GABRB3: variants seen among roughly 807,000 people sequenced by gnomAD.
GABRB3 encodes the protein gamma-aminobutyric acid type A receptor subunit beta3.
In GABRB3, 14 loss-of-function variants were observed where a neutral mutation model predicts 52.1. That is an observed-to-expected ratio of 0.27 (90% CI 0.18 to 0.42). The LOEUF (loss-of-function observed/expected upper bound fraction) is 0.42, where lower values mean the gene tolerates loss of function less well. GABRB3 is among the 10% of genes least tolerant of loss of function. The probability of loss-of-function intolerance (pLI) is 1.00; values close to 1 mark genes in which losing one functional copy is unlikely to be tolerated. For synonymous variants in GABRB3, 260 were observed against 232.3 expected (o/e 1.12, Z -1.08); for missense variants, 307 against 609.1 (o/e 0.50, Z 5.22).
rs1305024081 is a variant in GABRB3, at chr15:26,773,007, G to A, written c.-45C>T. Reference sequence around the variant, plus strand: ...ACGGGGGAGGGGGCGCCCCGCCGCCGTCGCGACCCGCAGCCGGGGCTGCTC... The same window carrying A: ...ACGGGGGAGGGGGCGCCCCGCCGCCATCGCGACCCGCAGCCGGGGCTGCTC... On this transcript the variant is annotated 5_prime_UTR_variant, in exon 1 of 9. In the 5' UTR this introduces an upstream ATG that the reference lacks. Transcript: ENST00000311550. 2.3e-6 allele frequency: 3 copies of A among 1,307,692 alleles called. No individual in the cohort carries two copies. The highest frequency in any genetic ancestry group is 3.8e-5 in the East Asian group (1 of 26,338). The allele number at this position is 1,307,692 out of a possible 1,614,324, so 81.0% of individuals were successfully genotyped here. A position where few individuals can be genotyped will look rare whatever the true frequency, so the allele number is the denominator to read the frequency against.
intron 3 of GABRB3, among the ~76,000 whole-genome samples, chr15:26,689,293 G>T (rs368004725): frequency 6.6e-6 from 1 of 152,074 alleles, no homozygotes; most frequent in South Asian, 2.1e-4. Flanking sequence ...CCTGTCACCT[G>T]GAGAATGACA....
chr15:26,602,000 A>G (rs1387841695), intron 4 of GABRB3, among the ~76,000 whole-genome samples: 4 of 152,152 alleles, frequency 2.6e-5, no homozygotes, highest in African/African-American at 4.8e-5. Flanking sequence ...CTAATGATCT[A>G]TTGCCTGCAA....
chr15:26,753,086 A>G (rs1890560688), intron 3 of GABRB3, among the ~76,000 whole-genome samples: 1 of 152,198 alleles, frequency 6.6e-6, no homozygotes, highest in Admixed American at 6.5e-5. Flanking sequence ...TGAGAACCTC[A>G]GAACTCCCTA....
intron 3 of GABRB3, among the ~76,000 whole-genome samples, chr15:26,765,594 T>C (rs1890975205): frequency 6.6e-6 from 1 of 152,224 alleles, no homozygotes; most frequent in Non-Finnish European, 1.5e-5. Flanking sequence ...TATTCTTCAT[T>C]CATATATTCC....
intron 4 of GABRB3, among the ~76,000 whole-genome samples, chr15:26,598,974 G>C (rs929643194): frequency 4.3e-4 from 65 of 152,142 alleles, no homozygotes; most frequent in African/African-American, 1.5e-3. Context: ...CAGCCTCAGG[G>C]CCTACCCAAT....
rs72702138 is a variant in GABRB3, at chr15:26,583,504, G to A, written c.462-90C>T. ...CTTAGATAAACGAGTAAGCCCCTGT[G>A]GGAACCCTGCCCAAAGTACGCCTGG... On this transcript the variant is annotated intron_variant, in intron 4 of 8. Transcript: ENST00000311550. 0.17 allele frequency: 179,786 copies of A among 1,049,420 alleles called. 16,999 individuals are homozygous for A. The highest frequency in any genetic ancestry group is 0.19 in the Non-Finnish European group (127,975 of 673,020). The allele number at this position is 1,049,420 out of a possible 1,614,324, so 65.0% of individuals were successfully genotyped here.
intron 3 of GABRB3, among the ~76,000 whole-genome samples, chr15:26,663,155 C>T (rs1407687886): frequency 3.9e-5 from 6 of 152,118 alleles, no homozygotes; most frequent in Admixed American, 6.5e-5. Context: ...CAATCAGAAC[C>T]GTTCATTGTG....
chr15:26,601,405 G>A (rs887994138), intron 4 of GABRB3, among the ~76,000 whole-genome samples: 9 of 148,096 alleles, frequency 6.1e-5, no homozygotes, highest in African/African-American at 1.5e-4. Flanking sequence ...GCGAAACTCC[G>A]TCTCAAAGAA....
At chr15:26,722,188 C>T (rs1429197553) in intron 3 of GABRB3, among the ~76,000 whole-genome samples, 4 of 152,096 alleles carry the variant, frequency 2.6e-5, no homozygotes, top group Admixed American at 6.5e-5. Flanking sequence ...TAGAACAACC[C>T]GGAGAGCTTC....
intron 3 of GABRB3, among the ~76,000 whole-genome samples, chr15:26,677,695 A>C (rs909982578): frequency 6.6e-6 from 1 of 152,226 alleles, no homozygotes; most frequent in Admixed American, 6.5e-5. Context: ...GGAGGATCAG[A>C]TTATTTTTTA....
intron 5 of GABRB3, chr15:26,580,762 T>A: frequency 2.3e-6 from 1 of 444,244 alleles, no homozygotes; most frequent in Middle Eastern, 7.1e-4. Context: ...CAGAGATGAA[T>A]TTAAAATGTA....
At chr15:26,600,928 C>G (rs1891561510) in intron 4 of GABRB3, among the ~76,000 whole-genome samples, 1 of 152,058 alleles carries the variant, frequency 6.6e-6, no homozygotes, top group South Asian at 2.1e-4. Flanking sequence ...CATAAATTGT[C>G]AGGGAAAACA....
At chr15:26,695,749 T>C (rs539139854) in intron 3 of GABRB3, among the ~76,000 whole-genome samples, 1 of 152,268 alleles carries the variant, frequency 6.6e-6, no homozygotes, top group South Asian at 2.1e-4. Context: ...AAAATGATAA[T>C]AGCAACAATG....
At chr15:26,664,704 G>GTTTTTTTTTTTTTTTTTTTTTTTT (rs1162139952) in intron 3 of GABRB3, among the ~76,000 whole-genome samples, 2 of 95,224 alleles carry the variant, frequency 2.1e-5, no homozygotes, top group Non-Finnish European at 3.8e-5. Flanking sequence ...TCTTTTCTTT[G>GTTTTTTTTTTTTTTTTTTTTTTTT]TTTTTTTTTT....
At chr15:26,729,599 G>A (rs1291923847) in intron 3 of GABRB3, among the ~76,000 whole-genome samples, 1 of 152,184 alleles carries the variant, frequency 6.6e-6, no homozygotes, top group Non-Finnish European at 1.5e-5. Context: ...CAAATTCTCT[G>A]TGGATGTGGA....
chr15:26,604,459 C>T lies in GABRB3; in HGVS notation c.461+16855G>A, dbSNP rs538190960. Among the ~76,000 whole-genome samples the T allele has an allele frequency of 2.6e-4, 39 of 152,142 alleles. No homozygotes were observed. The South Asian group carries it at 5.0e-3, about 19-fold the overall frequency. ...ATCATAAGAAGCTCAGAATAGCCCA[C>T]GCTATCCTAAGCAAAAGGAACAAAA... On this transcript the variant is annotated intron_variant, in intron 4 of 8. Coordinates refer to ENST00000311550, the MANE Select transcript of GABRB3 (RefSeq NM_000814.6).
Position 26,544,192 on chromosome 15 carries a change from C to T in GABRB3, c.*3601G>A, listed in dbSNP as rs904455885. ...AGAATTAAGTGATGGTTTATACTTT[C>T]AAGCCAGGAGATTCAAAGTTGGACA... On this transcript the variant is annotated 3_prime_UTR_variant, in exon 9 of 9. Coordinates refer to ENST00000311550, the MANE Select transcript of GABRB3 (RefSeq NM_000814.6). 1 of 152,552 alleles carries T rather than the reference C, an allele frequency of 6.6e-6. No homozygotes were observed. The highest frequency in any genetic ancestry group is 6.5e-5 in the Admixed American group (1 of 15,274). The allele number at this position is 152,552 out of a possible 1,614,324, so 9.4% of individuals were successfully genotyped here.
chr15:26,735,583 G>A (rs1890043852), intron 3 of GABRB3, among the ~76,000 whole-genome samples: 1 of 152,182 alleles, frequency 6.6e-6, no homozygotes, highest in Non-Finnish European at 1.5e-5. Context: ...ATATTAGTCA[G>A]CCTTAAGCTG....
chr15:26,631,146 C>A (rs1439450463), intron 3 of GABRB3, among the ~76,000 whole-genome samples: 1 of 152,176 alleles, frequency 6.6e-6, no homozygotes, highest in African/African-American at 2.4e-5. Flanking sequence ...GAGCCACCCA[C>A]AAGTGAAGCA....
Sources: gnomAD v4.1 joint callset for allele counts (sites outside exome capture counted in the v4.1 genomes callset) on GRCh38, gnomAD v4.1.1 for gene constraint, MANE v1.5 for transcripts, NCBI Gene and HGNC (gene_info 2026-07-23, HGNC 2026-07-21) for gene names.